The following LOXL2 variants were observed in gnomAD, a reference collection of about 807,000 sequenced individuals.
LOXL2 encodes the protein lysyl oxidase homolog 2.
In LOXL2, 70 loss-of-function variants were observed where a neutral mutation model predicts 93.0. The observed-to-expected ratio is 0.75, with a 90% CI of 0.62 to 0.92. The LOEUF (loss-of-function observed/expected upper bound fraction) is 0.92, where lower values mean the gene tolerates loss of function less well. Among genes scored for constraint, LOXL2 ranks in the 40% least tolerant of loss-of-function variants. The probability of loss-of-function intolerance (pLI) is 0.00; values close to 1 mark genes in which losing one functional copy is unlikely to be tolerated. For missense variants in LOXL2, 973 were observed against 1,054.9 expected (o/e 0.92, Z 1.08); for synonymous variants, 438 against 413.2 (o/e 1.06, Z -0.73).
At chr8:23,344,529 T>A (rs1384631725) in intron 3 of LOXL2, among the ~76,000 whole-genome samples, 1 of 152,058 alleles carries the variant, frequency 6.6e-6, no homozygotes, top group African/African-American at 2.4e-5. Flanking sequence ...TGCATGTCCA[T>A]GTGTCATATG....
At chr8:23,334,006 T>C (rs1169961872) in intron 4 of LOXL2, among the ~76,000 whole-genome samples, 1 of 152,182 alleles carries the variant, frequency 6.6e-6, no homozygotes, top group Non-Finnish European at 1.5e-5. Context: ...TAAACCATGT[T>C]TACCCTAACT....
intron 1 of LOXL2, among the ~76,000 whole-genome samples, chr8:23,374,628 G>T (rs1362018157): frequency 5.9e-5 from 9 of 152,064 alleles, no homozygotes; most frequent in African/African-American, 1.4e-4. Context: ...CCTGACTTTT[G>T]AATGATTGCC....
chr8:23,303,252 G>A (rs778025616), intron 11 of LOXL2, 30 bp downstream of exon 11: 25 of 1,391,544 alleles, frequency 1.8e-5, no homozygotes, highest in Non-Finnish European at 2.6e-5. Context: ...TCCCTCTGAG[G>A]CCTCCCATCC....
intron 3 of LOXL2, among the ~76,000 whole-genome samples, chr8:23,350,890 AG>A: frequency 6.6e-6 from 1 of 152,302 alleles, no homozygotes; most frequent in South Asian, 2.1e-4. Context: ...TGCTGTCAGC[AG>A]GAAGTCGGCG....
At chr8:23,399,160 C>G (rs1481445813) in intron 1 of LOXL2, among the ~76,000 whole-genome samples, 1 of 152,206 alleles carries the variant, frequency 6.6e-6, no homozygotes, top group African/African-American at 2.4e-5. Context: ...AGCAGAGTGG[C>G]CTCGGGCCAC....
chr8:23,398,215 T>C lies in LOXL2; in HGVS notation c.-84+5739A>G, dbSNP rs1800118157. Among the ~76,000 whole-genome samples the C allele has an allele frequency of 2.0e-5, 3 of 151,862 alleles. No homozygotes were observed. In the South Asian group the frequency reaches 6.2e-4, roughly 32 times the overall value. On this transcript the variant is annotated intron_variant, in intron 1 of 13. Coordinates refer to ENST00000389131, the MANE Select transcript of LOXL2 (RefSeq NM_002318.3). ...TGCAAATTAAGTTGTTCACAAGTCA[T>C]CACCATAAGTTATCTTGTCGTAAGT...
At chr8:23,359,238 C>T (rs1026573850) in intron 3 of LOXL2, among the ~76,000 whole-genome samples, 1 of 152,182 alleles carries the variant, frequency 6.6e-6, no homozygotes, top group African/African-American at 2.4e-5. Flanking sequence ...GCAACCCTAC[C>T]TGGTGTCACA....
intron 2 of LOXL2, among the ~76,000 whole-genome samples, chr8:23,360,720 TCA>T (rs1181171473): frequency 6.6e-6 from 1 of 152,116 alleles, no homozygotes; most frequent in Non-Finnish European, 1.5e-5. Flanking sequence ...TCATTGCTGG[TCA>T]CAGTTACTAA....
In LOXL2 at chr8:23,330,096, C is replaced by T. The variant is rs184048028; in HGVS notation, c.967-1531G>A. Among the ~76,000 whole-genome samples the T allele has an allele frequency of 8.5e-3, 1,291 of 152,240 alleles. 81 individuals carry two copies. The East Asian group carries it at 0.16, about 19-fold the overall frequency. ...ATCCCAGCACTTTGGGAGGCCAAGGCGGGTGGATCACGAGGTCAGGAGATT... is the reference window on the plus strand; with the variant it reads ...ATCCCAGCACTTTGGGAGGCCAAGGTGGGTGGATCACGAGGTCAGGAGATT... On this transcript the variant is annotated intron_variant, in intron 5 of 13. Transcript: ENST00000389131.
chr8:23,387,364 C>T (rs922193913), intron 1 of LOXL2, among the ~76,000 whole-genome samples: 1 of 152,080 alleles, frequency 6.6e-6, no homozygotes, highest in African/African-American at 2.4e-5. Context: ...ACTCGGGGAT[C>T]GAGGTATTCC....
At chr8:23,396,961 T>A (rs1244824371) in intron 1 of LOXL2, among the ~76,000 whole-genome samples, 1 of 152,220 alleles carries the variant, frequency 6.6e-6, no homozygotes, top group East Asian at 1.9e-4. Flanking sequence ...AACTCACATG[T>A]CCACCAGTGG....
chr8:23,325,341 G>A (rs1463243395), intron 6 of LOXL2, among the ~76,000 whole-genome samples: 1 of 152,164 alleles, frequency 6.6e-6, no homozygotes, highest in African/African-American at 2.4e-5. Flanking sequence ...ACTCAAGCTG[G>A]AGTGCAGTGA....
intron 4 of LOXL2, among the ~76,000 whole-genome samples, chr8:23,339,002 G>A (rs1803839016): frequency 6.6e-6 from 1 of 152,182 alleles, no homozygotes; most frequent in South Asian, 2.1e-4. Context: ...TTCTCTTCCA[G>A]GCAGACCCAG....
Position 23,404,007 on chromosome 8 carries a change from C to T in LOXL2, c.-137G>A, listed in dbSNP as rs1190226558. 1.1e-5 allele frequency: 2 copies of T among 177,862 alleles called. No individual in the cohort carries two copies. Among genetic ancestry groups the T allele is most frequent in the Non-Finnish European group, 2.4e-5 (2 of 81,712 alleles). 11.0% of individuals were successfully genotyped at this position (177,862 alleles called of 1,614,324 possible). ...CTGGGACCGCGCTCTCCACGGTGGT[C>T]CCCCTCCGCTTCCGCCGCCGCTGAG... On this transcript the variant is annotated 5_prime_UTR_variant, in exon 1 of 14. Coordinates refer to ENST00000389131, the MANE Select transcript of LOXL2 (RefSeq NM_002318.3).
intron 1 of LOXL2, among the ~76,000 whole-genome samples, chr8:23,402,316 C>G (rs889289985): frequency 2.0e-5 from 3 of 152,174 alleles, no homozygotes; most frequent in Non-Finnish European, 4.4e-5. Context: ...CACATGCATA[C>G]ACAAACGTGC....
At chr8:23,395,020 C>A (rs547894423) in intron 1 of LOXL2, among the ~76,000 whole-genome samples, 1 of 152,228 alleles carries the variant, frequency 6.6e-6, no homozygotes, top group Admixed American at 6.5e-5. Flanking sequence ...CTTTGGGAGG[C>A]CAAGGTGGGC....
chr8:23,392,172 C>G (rs1224926792), intron 1 of LOXL2, among the ~76,000 whole-genome samples: 1 of 152,220 alleles, frequency 6.6e-6, no homozygotes, highest in Non-Finnish European at 1.5e-5. Context: ...GCAGGGGCAG[C>G]TGGCACAGAG....
intron 1 of LOXL2, among the ~76,000 whole-genome samples, chr8:23,388,232 G>C (rs1170427377): frequency 1.3e-5 from 2 of 152,116 alleles, no homozygotes; most frequent in Admixed American, 6.5e-5. Context: ...GGAACTGTGA[G>C]CTGCCAAGGC....
intron 1 of LOXL2, among the ~76,000 whole-genome samples, chr8:23,378,055 C>T (rs1804620966): frequency 6.6e-6 from 1 of 152,180 alleles, no homozygotes; most frequent in African/African-American, 2.4e-5. Flanking sequence ...TACAATTTGG[C>T]ATGTTTTTGA....
Sources: gnomAD v4.1 joint callset for allele counts (sites outside exome capture counted in the v4.1 genomes callset) on GRCh38, gnomAD v4.1.1 for gene constraint, MANE v1.5 for transcripts, NCBI Gene and HGNC (gene_info 2026-07-23, HGNC 2026-07-21) for gene names.